RORA: variants seen among roughly 807,000 people sequenced by gnomAD.
RORA encodes RAR related orphan receptor A.
RORA carries 7 observed loss-of-function variants against 69.5 expected under a neutral mutation model. The observed-to-expected ratio is 0.10, with a 90% CI of 0.06 to 0.19. The LOEUF (loss-of-function observed/expected upper bound fraction) is 0.19. Ranked by LOEUF, RORA falls within the 10% of genes least tolerant of loss-of-function variation. The pLI is 1.00. For synonymous variants in RORA, 261 were observed against 240.8 expected, an observed-to-expected ratio of 1.08 and a Z score of -0.78; for missense variants, 457 against 663.0, an observed-to-expected ratio of 0.69 and a Z score of 3.41.
intron 1 of RORA, among the ~76,000 whole-genome samples, chr15:61,203,335 C>T (rs2079911783): frequency 6.6e-6 from 1 of 152,162 alleles, no homozygotes; most frequent in East Asian, 1.9e-4. Flanking sequence ...AGGATATTGC[C>T]TCAGAGGGGC....
intron 1 of RORA, among the ~76,000 whole-genome samples, chr15:60,955,643 G>A (rs190949712): frequency 5.9e-5 from 9 of 152,272 alleles, no homozygotes; most frequent in Non-Finnish European, 7.4e-5. Context: ...TTTGTGAGTC[G>A]ATTTTTACAA....
chr15:60,797,281 G>A (rs2072512240), intron 1 of RORA, among the ~76,000 whole-genome samples: 3 of 152,014 alleles, frequency 2.0e-5, no homozygotes, highest in Non-Finnish European at 4.4e-5. Context: ...TACATTATGT[G>A]TATTATACCA....
intron 2 of RORA, among the ~76,000 whole-genome samples, chr15:60,582,926 G>C (rs978457675): frequency 2.0e-5 from 3 of 152,116 alleles, no homozygotes; most frequent in African/African-American, 7.2e-5. Flanking sequence ...TGGCCTAGCT[G>C]TTGTTATTAT....
chr15:60,966,939 C>T (rs1036068856), intron 1 of RORA, among the ~76,000 whole-genome samples: 3 of 152,174 alleles, frequency 2.0e-5, no homozygotes, highest in Admixed American at 6.5e-5. Flanking sequence ...GGCCATGAAT[C>T]GGTGTCATAG....
At chr15:61,194,178 C>T (rs1002528497) in intron 1 of RORA, 4 of 152,210 alleles carry the variant, frequency 2.6e-5, no homozygotes, top group African/African-American at 9.7e-5. Flanking sequence ...TTGTGCCCTT[C>T]CAAGTTCCCA....
chr15:61,089,054 G>A (rs76436997), intron 1 of RORA, among the ~76,000 whole-genome samples: 10,388 of 152,244 alleles, frequency 0.068, 463 homozygotes, highest in East Asian at 0.15. Flanking sequence ...CATTGGGAGT[G>A]TAAAACAGAC....
At chr15:60,682,150 C>A (rs1268544466) in intron 1 of RORA, among the ~76,000 whole-genome samples, 5 of 152,266 alleles carry the variant, frequency 3.3e-5, no homozygotes, top group East Asian at 3.9e-4. Flanking sequence ...ACTTAAAAGA[C>A]TGTTGTGAAA....
chr15:61,081,270 C>G (rs1230332515), intron 1 of RORA, among the ~76,000 whole-genome samples: 6 of 152,128 alleles, frequency 3.9e-5, no homozygotes. Context: ...CCTGAAAAGG[C>G]TAACTTTGTC....
intron 2 of RORA, among the ~76,000 whole-genome samples, chr15:60,672,763 G>T (rs576600358): frequency 3.9e-4 from 60 of 152,298 alleles, no homozygotes; most frequent in African/African-American, 1.4e-3. Context: ...AATAATGCAC[G>T]TAAAGCATTA....
At chr15:61,187,012 C>T (rs2079750185) in intron 1 of RORA, among the ~76,000 whole-genome samples, 1 of 152,240 alleles carries the variant, frequency 6.6e-6, no homozygotes, top group Non-Finnish European at 1.5e-5. Context: ...TATCTGCTCT[C>T]TCTGAAATGC....
chr15:60,943,970 A>G (rs1892785969), intron 1 of RORA, among the ~76,000 whole-genome samples: 2 of 147,754 alleles, frequency 1.4e-5, no homozygotes, highest in African/African-American at 2.5e-5. Flanking sequence ...GGACCAGATG[A>G]GAGCATAAAT....
intron 2 of RORA, among the ~76,000 whole-genome samples, chr15:60,671,239 G>T (rs147160685): frequency 6.6e-6 from 1 of 151,872 alleles, no homozygotes; most frequent in African/African-American, 2.4e-5. Flanking sequence ...TAACAAAAAA[G>T]TATAAATTTA....
chr15:60,998,533 G>A (rs1455622401), intron 1 of RORA, among the ~76,000 whole-genome samples: 1 of 152,084 alleles, frequency 6.6e-6, no homozygotes, highest in Non-Finnish European at 1.5e-5. Flanking sequence ...AAGTAGCTGG[G>A]ATTACAGTCA....
chr15:60,961,998 T>A (rs1893427786), intron 1 of RORA, among the ~76,000 whole-genome samples: 1 of 152,226 alleles, frequency 6.6e-6, no homozygotes, highest in Non-Finnish European at 1.5e-5. Flanking sequence ...GATGGGCAGA[T>A]TCTGTTGGAA....
chr15:60,656,842 T>C (rs1596102221), intron 2 of RORA, among the ~76,000 whole-genome samples: 2 of 152,206 alleles, frequency 1.3e-5, no homozygotes, highest in African/African-American at 4.8e-5. Flanking sequence ...TTCCTCCCCA[T>C]TAGTGGTGGC....
chr15:61,096,388 C>T (rs754538851), intron 1 of RORA, among the ~76,000 whole-genome samples: 8 of 152,048 alleles, frequency 5.3e-5, no homozygotes, highest in East Asian at 3.9e-4. Flanking sequence ...CATTTAGTAG[C>T]GACAATTCAC....
At chr15:60,625,459 T>C (rs534597032) in intron 2 of RORA, among the ~76,000 whole-genome samples, 1 of 152,356 alleles carries the variant, frequency 6.6e-6, no homozygotes, top group African/African-American at 2.4e-5. Context: ...CATCTAGGAA[T>C]TTATCCTGTA....
chr15:60,640,033 G>T (rs2069914903), intron 2 of RORA, among the ~76,000 whole-genome samples: 1 of 152,146 alleles, frequency 6.6e-6, no homozygotes, highest in Non-Finnish European at 1.5e-5. Context: ...GCATGGGTTG[G>T]CATCCCAGCT....
At chr15:60,553,726 C>G (rs1595963327) in intron 2 of RORA, among the ~76,000 whole-genome samples, 1 of 152,304 alleles carries the variant, frequency 6.6e-6, no homozygotes, top group East Asian at 1.9e-4. Flanking sequence ...GAAGAGGAGA[C>G]AACCCTTATC....
Sources: gnomAD v4.1 joint callset for allele counts (sites outside exome capture counted in the v4.1 genomes callset) on GRCh38, gnomAD v4.1.1 for gene constraint, MANE v1.5 for transcripts, NCBI Gene and HGNC (gene_info 2026-07-23, HGNC 2026-07-21) for gene names.